GRIK2: variants seen among roughly 807,000 people sequenced by gnomAD.
GRIK2 encodes the protein glutamate ionotropic receptor kainate type subunit 2.
In GRIK2, 32 loss-of-function variants were observed where a neutral mutation model predicts 100.3. That is an observed-to-expected ratio of 0.32 (90% confidence interval 0.24 to 0.43). The LOEUF is 0.43. GRIK2 is among the 20% of genes least tolerant of loss of function. The pLI is 1.00. For missense variants in GRIK2, 843 were observed against 1,114.9 expected (o/e 0.76, Z 3.47); for synonymous variants, 417 against 389.4 (o/e 1.07, Z -0.83).
intron 12 of GRIK2, among the ~76,000 whole-genome samples, chr6:101,912,046 G>GCACACACACA (rs571177027): frequency 4.8e-5 from 3 of 62,862 alleles, no homozygotes; most frequent in African/African-American, 1.7e-4. Flanking sequence ...CAGGGGCAAC[G>GCACACACACA]CACACACACA....
At chr6:101,850,442 C>T (rs941164535) in intron 10 of GRIK2, among the ~76,000 whole-genome samples, 3 of 151,462 alleles carry the variant, frequency 2.0e-5, no homozygotes, top group African/African-American at 7.3e-5. Flanking sequence ...TTTTAATGTC[C>T]CTATGTTTTA....
chr6:101,882,385 C>A (rs993258798), intron 11 of GRIK2, among the ~76,000 whole-genome samples: 1 of 152,032 alleles, frequency 6.6e-6, no homozygotes, highest in Non-Finnish European at 1.5e-5. Flanking sequence ...TATCCTCCCC[C>A]AAAACTCTAG....
chr6:101,825,257 A>G (rs189580579), intron 10 of GRIK2, among the ~76,000 whole-genome samples: 2 of 152,194 alleles, frequency 1.3e-5, no homozygotes, highest in Admixed American at 6.5e-5. Context: ...ACTTTTTCTC[A>G]CCATATTTTT....
chr6:101,813,468 T>C (rs760647374), intron 9 of GRIK2, among the ~76,000 whole-genome samples: 1 of 152,154 alleles, frequency 6.6e-6, no homozygotes, highest in Non-Finnish European at 1.5e-5. Flanking sequence ...GTAAGTACAA[T>C]GATAAGTGAA....
chr6:101,480,926 T>C (rs1430235423), intron 2 of GRIK2, among the ~76,000 whole-genome samples: 5 of 152,104 alleles, frequency 3.3e-5, no homozygotes, highest in Non-Finnish European at 7.4e-5. Flanking sequence ...AGAGTAACCA[T>C]GTAAGTAAGC....
intron 7 of GRIK2, among the ~76,000 whole-genome samples, chr6:101,733,105 C>A (rs932095626): frequency 1.3e-5 from 2 of 151,988 alleles, no homozygotes; most frequent in Non-Finnish European, 2.9e-5. Flanking sequence ...CCCCTGACAC[C>A]CCAAAATTCA....
chr6:101,618,179 T>A (rs1249460081), intron 2 of GRIK2, among the ~76,000 whole-genome samples: 1 of 151,706 alleles, frequency 6.6e-6, no homozygotes, highest in African/African-American at 2.4e-5. Flanking sequence ...AATGTATGAT[T>A]GAAATAATTT....
At chr6:101,811,350 T>G (rs556508906) in intron 9 of GRIK2, among the ~76,000 whole-genome samples, 5 of 152,178 alleles carry the variant, frequency 3.3e-5, no homozygotes, top group African/African-American at 1.2e-4. Context: ...AATAACTTTC[T>G]TTTTTACATT....
At chr6:101,613,267 G>T (rs932027508) in intron 2 of GRIK2, among the ~76,000 whole-genome samples, 7 of 151,704 alleles carry the variant, frequency 4.6e-5, no homozygotes, top group African/African-American at 7.3e-5. Flanking sequence ...AGACTCCAGT[G>T]GGGTATCTAT....
intron 4 of GRIK2, among the ~76,000 whole-genome samples, chr6:101,671,859 A>G (rs1770461510): frequency 6.6e-6 from 1 of 152,138 alleles, no homozygotes; most frequent in Admixed American, 6.5e-5. Flanking sequence ...CTGAGACTAT[A>G]TCAAAAACAA....
At chr6:101,933,666 A>G (rs1384637572) in intron 14 of GRIK2, among the ~76,000 whole-genome samples, 1 of 151,940 alleles carries the variant, frequency 6.6e-6, no homozygotes, top group Non-Finnish European at 1.5e-5. Flanking sequence ...TACTTTTGTC[A>G]AATTCCACAC....
At chr6:101,882,375 T>C (rs1379802583) in intron 11 of GRIK2, among the ~76,000 whole-genome samples, 1 of 152,102 alleles carries the variant, frequency 6.6e-6, no homozygotes, top group Admixed American at 6.6e-5. Context: ...AAACAATTAA[T>C]ATCCTCCCCC....
intron 2 of GRIK2, among the ~76,000 whole-genome samples, chr6:101,584,396 T>A (rs1268932782): frequency 6.6e-6 from 1 of 152,068 alleles, no homozygotes; most frequent in African/African-American, 2.4e-5. Context: ...ATAAAAATGG[T>A]CTAGTTTAAT....
At position 101,749,551 on chromosome 6, in the gene GRIK2, C is replaced by A. The variant is rs139703962; in HGVS notation, c.952-50097C>A. ...GTCTGGTAATAAAGCCTGACATGTG[C>A]GTTTCCTTCCTAAAAATGATGATAG... On this transcript the variant is annotated intron_variant, in intron 7 of 16. Coordinates refer to ENST00000369134, the MANE Select transcript of GRIK2 (RefSeq NM_021956.5). Among the ~76,000 whole-genome samples the A allele has an allele frequency of 1.8e-3, 272 of 152,166 alleles. 2 individuals are homozygous for A. Among genetic ancestry groups the A allele is most frequent in the African/African-American group, 5.3e-3 (219 of 41,506 alleles).
chr6:101,409,764 C>G (rs1034006812), intron 2 of GRIK2, among the ~76,000 whole-genome samples: 7 of 151,762 alleles, frequency 4.6e-5, no homozygotes, highest in Non-Finnish European at 8.8e-5. Context: ...ATGTGTAGAG[C>G]TCTGAGTTTA....
At chr6:101,878,636 T>A (rs1304269863) in intron 11 of GRIK2, among the ~76,000 whole-genome samples, 1 of 152,074 alleles carries the variant, frequency 6.6e-6, no homozygotes, top group Non-Finnish European at 1.5e-5. Flanking sequence ...CATTGAGCTC[T>A]GTTGACTTTC....
chr6:101,723,167 A>G (rs1774610389), intron 7 of GRIK2, among the ~76,000 whole-genome samples: 1 of 152,082 alleles, frequency 6.6e-6, no homozygotes, highest in Non-Finnish European at 1.5e-5. Context: ...GCAAAGGATA[A>G]CAAGTAATTT....
chr6:101,699,453 A>G (rs1169630591), intron 7 of GRIK2, among the ~76,000 whole-genome samples: 1 of 152,038 alleles, frequency 6.6e-6, no homozygotes, highest in Non-Finnish European at 1.5e-5. Flanking sequence ...GTCAAAAGCT[A>G]TTTCCAGATC....
chr6:101,773,907 A>G (rs1471380487), intron 7 of GRIK2, among the ~76,000 whole-genome samples: 2 of 152,122 alleles, frequency 1.3e-5, no homozygotes, highest in African/African-American at 2.4e-5. Context: ...AGTTGCTACT[A>G]CAATTATTGT....
Sources: allele counts gnomAD v4.1 joint callset (sites outside exome capture counted in the v4.1 genomes callset), GRCh38; gene constraint gnomAD v4.1.1; transcripts MANE v1.5; gene names NCBI Gene and HGNC (gene_info 2026-07-23, HGNC 2026-07-21).